AUTS2: variants seen among roughly 807,000 people sequenced by gnomAD.
The protein encoded by AUTS2 is activator of transcription and developmental regulator AUTS2.
AUTS2 carries 17 observed loss-of-function variants against 112.4 expected under a neutral mutation model. The observed-to-expected ratio is 0.15, with a 90% CI of 0.10 to 0.23. The LOEUF (loss-of-function observed/expected upper bound fraction) is 0.23, where lower values mean the gene tolerates loss of function less well. Ranked by LOEUF, AUTS2 falls within the 10% of genes least tolerant of loss-of-function variation. AUTS2 has a pLI of 1.00. For synonymous variants in AUTS2, 751 were observed against 702.7 expected, an observed-to-expected ratio of 1.07 and a Z score of -1.09; for missense variants, 1,510 against 1,701.6, an observed-to-expected ratio of 0.89 and a Z score of 1.98.
chr7:70,232,657 G>A (rs958864858), intron 4 of AUTS2, among the ~76,000 whole-genome samples: 43 of 152,168 alleles, frequency 2.8e-4, no homozygotes, highest in African/African-American at 1.0e-3. Flanking sequence ...GAGGATTACA[G>A]GTGTGAGCCA....
chr7:70,517,555 T>A (rs1244744039), intron 5 of AUTS2, among the ~76,000 whole-genome samples: 1 of 148,830 alleles, frequency 6.7e-6, no homozygotes, highest in Non-Finnish European at 1.5e-5. Flanking sequence ...ATATACAAAT[T>A]GCATATACAC....
chr7:70,072,635 C>T (rs1802829086), intron 2 of AUTS2, among the ~76,000 whole-genome samples: 1 of 152,200 alleles, frequency 6.6e-6, no homozygotes, highest in Non-Finnish European at 1.5e-5. Context: ...GATTTATGCA[C>T]AGGTTCGAAT....
chr7:70,758,544 C>T (rs562976923), intron 6 of AUTS2, among the ~76,000 whole-genome samples: 3 of 152,224 alleles, frequency 2.0e-5, no homozygotes, highest in South Asian at 2.1e-4. Flanking sequence ...CCGTAAAGTA[C>T]GCAATGTAAT....
chr7:70,618,656 A>G (rs2129536313), intron 5 of AUTS2, among the ~76,000 whole-genome samples: 1 of 152,028 alleles, frequency 6.6e-6, no homozygotes, highest in East Asian at 1.9e-4. Flanking sequence ...GGACCCCCTC[A>G]CCCCACACAC....
intron 3 of AUTS2, among the ~76,000 whole-genome samples, chr7:70,126,183 C>T (rs1029839438): frequency 6.6e-6 from 1 of 152,154 alleles, no homozygotes; most frequent in African/African-American, 2.4e-5. Flanking sequence ...CTTTTGGAGG[C>T]CGAGGCAGGC....
At position 70,383,747 on chromosome 7, in the gene AUTS2, G is replaced by A. The variant is rs528186109; in HGVS notation, c.661-52005G>A. ...ATAAGACAAGCAAAAATAGGGTGGT[G>A]GTGAGCTCTCAGATCAGCCAGCGCA... On this transcript the variant is annotated intron_variant, in intron 4 of 18. Coordinates refer to ENST00000342771, the MANE Select transcript of AUTS2 (RefSeq NM_015570.4). Among the ~76,000 whole-genome samples, 5 of 152,328 alleles carry A rather than the reference G, an allele frequency of 3.3e-5. 1 individual carries two copies. The highest frequency in any genetic ancestry group is 1.2e-4 in the African/African-American group (5 of 41,578).
At chr7:70,561,064 C>G (rs891421479) in intron 5 of AUTS2, among the ~76,000 whole-genome samples, 6 of 152,174 alleles carry the variant, frequency 3.9e-5, no homozygotes, top group Non-Finnish European at 7.3e-5. Context: ...TCTCTCACTT[C>G]CCTGGTTTGG....
intron 5 of AUTS2, among the ~76,000 whole-genome samples, chr7:70,532,599 C>T (rs1322771834): frequency 6.6e-6 from 1 of 152,146 alleles, no homozygotes; most frequent in Admixed American, 6.5e-5. Context: ...CCTGCATTCG[C>T]GTATCCAGCT....
intron 1 of AUTS2, among the ~76,000 whole-genome samples, chr7:69,882,778 T>G (rs1794111589): frequency 6.6e-6 from 1 of 152,210 alleles, no homozygotes; most frequent in Non-Finnish European, 1.5e-5. Flanking sequence ...AAATATCCAG[T>G]ATGTTGCTTG....
chr7:70,604,557 A>G (rs1434227775), intron 5 of AUTS2, among the ~76,000 whole-genome samples: 1 of 152,262 alleles, frequency 6.6e-6, no homozygotes, highest in Non-Finnish European at 1.5e-5. Context: ...GACAGGTAAC[A>G]CTTGCCCCTA....
intron 5 of AUTS2, among the ~76,000 whole-genome samples, chr7:70,697,569 C>CCCA (rs1274708238): frequency 2.1e-5 from 3 of 142,954 alleles, no homozygotes; most frequent in Non-Finnish European, 4.6e-5. Context: ...TTCCCCCCCC[C>CCCA]CATTTCCTAT....
intron 1 of AUTS2, among the ~76,000 whole-genome samples, chr7:69,682,625 G>C (rs1454474707): frequency 6.6e-6 from 1 of 152,232 alleles, no homozygotes; most frequent in Non-Finnish European, 1.5e-5. Flanking sequence ...AACCTAGACA[G>C]TCTTTTCAAA....
rs148649074 is a variant in AUTS2 at position 69,710,948 on chromosome 7, G to A, written c.309+110986G>A. ...CTCATTGTCAGGGCTGGTCTCAATGGCAGATACAGTTCTCAGTGGTGTGCT... is the reference window on the plus strand; with the variant it reads ...CTCATTGTCAGGGCTGGTCTCAATGACAGATACAGTTCTCAGTGGTGTGCT... On this transcript the variant is annotated intron_variant, in intron 1 of 18. Coordinates refer to ENST00000342771, the MANE Select transcript of AUTS2 (RefSeq NM_015570.4). Among the ~76,000 whole-genome samples, 539 of 152,216 alleles carry A rather than the reference G, an allele frequency of 3.5e-3. 3 individuals are homozygous for A. The highest frequency in any genetic ancestry group is 6.8e-3 in the Admixed American group (104 of 15,290).
chr7:70,035,636 G>T (rs1800966750), intron 2 of AUTS2, among the ~76,000 whole-genome samples: 1 of 152,170 alleles, frequency 6.6e-6, no homozygotes, highest in South Asian at 2.1e-4. Flanking sequence ...TTTAATGTTA[G>T]CTATGAGACC....
intron 6 of AUTS2, among the ~76,000 whole-genome samples, chr7:70,710,651 G>A (rs2129549494): frequency 6.6e-6 from 1 of 152,306 alleles, no homozygotes; most frequent in East Asian, 1.9e-4. Flanking sequence ...AATCATGAAT[G>A]GATTTAAGGA....
chr7:70,351,427 A>G (rs193094368), intron 4 of AUTS2, among the ~76,000 whole-genome samples: 1 of 152,136 alleles, frequency 6.6e-6, no homozygotes, highest in East Asian at 1.9e-4. Flanking sequence ...TTCTTTATCT[A>G]TTCATCCATT....
chr7:69,684,071 C>T (rs1204329442), intron 1 of AUTS2, among the ~76,000 whole-genome samples: 1 of 152,150 alleles, frequency 6.6e-6, no homozygotes, highest in African/African-American at 2.4e-5. Context: ...ACTCAGCCAT[C>T]TTGAGATTGG....
At chr7:70,778,642 T>A (rs1330734164) in intron 14 of AUTS2, among the ~76,000 whole-genome samples, 1 of 151,902 alleles carries the variant, frequency 6.6e-6, no homozygotes, top group Admixed American at 6.6e-5. Context: ...GTAAATGAGG[T>A]CACTAAGATA....
intron 2 of AUTS2, among the ~76,000 whole-genome samples, chr7:70,017,242 T>C (rs1800069356): frequency 6.6e-6 from 1 of 152,238 alleles, no homozygotes; most frequent in South Asian, 2.1e-4. Context: ...ACATTTTTCT[T>C]TGATTTCCCC....
Sources: gnomAD v4.1 joint callset for allele counts (sites outside exome capture counted in the v4.1 genomes callset) on GRCh38, gnomAD v4.1.1 for gene constraint, MANE v1.5 for transcripts, NCBI Gene and HGNC (gene_info 2026-07-23, HGNC 2026-07-21) for gene names.